Variants in ADARB2 observed in about 807,000 individuals in gnomAD.
The protein encoded by ADARB2 is adenosine deaminase RNA specific B2 (inactive), also known as inactive double-stranded RNA-specific editase B2.
A neutral mutation model predicts 62.2 loss-of-function variants in ADARB2; 25 were observed. That is an observed-to-expected ratio of 0.40 (90% CI 0.29 to 0.56). The LOEUF is 0.56. Ranked by LOEUF, ADARB2 falls within the 20% of genes least tolerant of loss-of-function variation. The probability of loss-of-function intolerance (pLI) is 0.43; values close to 1 mark genes in which losing one functional copy is unlikely to be tolerated. For synonymous variants in ADARB2, 572 were observed against 500.8 expected (o/e 1.14, Z -1.90); for missense variants, 1,071 against 1,077.4 (o/e 0.99, Z 0.08).
At chr10:1,261,962 A>G (rs1352256029) in intron 4 of ADARB2, among the ~76,000 whole-genome samples, 4 of 148,606 alleles carry the variant, frequency 2.7e-5, no homozygotes, top group Middle Eastern at 3.4e-3. Flanking sequence ...CTATGCAGCC[A>G]TAAAAAATGA....
At chr10:1,358,204 T>C (rs989903366) in intron 3 of ADARB2, among the ~76,000 whole-genome samples, 1 of 152,220 alleles carries the variant, frequency 6.6e-6, no homozygotes, top group Non-Finnish European at 1.5e-5. Flanking sequence ...AGGATTCAGC[T>C]GCGTATTTCT....
At chr10:1,405,923 G>T (rs913388589) in intron 1 of ADARB2, among the ~76,000 whole-genome samples, 2 of 150,998 alleles carry the variant, frequency 1.3e-5, no homozygotes, top group Non-Finnish European at 2.9e-5. Flanking sequence ...AGATACACCC[G>T]TTTATTAAAC....
At chr10:1,714,573 G>T (rs1834993085) in intron 1 of ADARB2, among the ~76,000 whole-genome samples, 1 of 152,128 alleles carries the variant, frequency 6.6e-6, no homozygotes. Context: ...GCTACGCCTG[G>T]GTCCTAACTC....
In ADARB2 at chr10:1,563,635, T is replaced by TA. The variant is rs201848108; in HGVS notation, c.100+173415_100+173416insT. ...AGGACATTTCATTTTACTTTTTTTT[T>TA]TATTATTATTATACTTTAAGTTTTA... On this transcript the variant is annotated intron_variant, in intron 1 of 9. Transcript: ENST00000381312. Among the ~76,000 whole-genome samples the TA allele has an allele frequency of 6.8e-3, 1,027 of 152,034 alleles. 8 individuals are homozygous for TA. The highest frequency in any genetic ancestry group is 0.024 in the African/African-American group (974 of 41,394).
chr10:1,439,137 C>T (rs1830870194), intron 1 of ADARB2, among the ~76,000 whole-genome samples: 1 of 144,364 alleles, frequency 6.9e-6, no homozygotes, highest in African/African-American at 2.6e-5. Flanking sequence ...GAGTCTCTCC[C>T]AGGATGGAGG....
At chr10:1,586,278 T>A (rs1328713650) in intron 1 of ADARB2, among the ~76,000 whole-genome samples, 5 of 152,184 alleles carry the variant, frequency 3.3e-5, no homozygotes, top group African/African-American at 1.2e-4. Context: ...CTGACCCCAG[T>A]CTTTGGCTTT....
At chr10:1,244,090 G>T (rs1421745436) in intron 4 of ADARB2, among the ~76,000 whole-genome samples, 3 of 152,218 alleles carry the variant, frequency 2.0e-5, no homozygotes, top group African/African-American at 7.2e-5. Flanking sequence ...CTGCCCCCTA[G>T]CGGGGGTCCC....
At chr10:1,589,459 T>TGGTTGGGGTGTCCAC (rs1833221823) in intron 1 of ADARB2, among the ~76,000 whole-genome samples, 1 of 151,682 alleles carries the variant, frequency 6.6e-6, no homozygotes, top group African/African-American at 2.4e-5. Context: ...GGGGTGTCCA[T>TGGTTGGGGTGTCCAC]GGTTGGGGTG....
intron 1 of ADARB2, among the ~76,000 whole-genome samples, chr10:1,437,877 T>G (rs1588257589): frequency 6.6e-6 from 1 of 152,196 alleles, no homozygotes; most frequent in East Asian, 1.9e-4. Context: ...AGGAGCAGAA[T>G]AACTCCAGTT....
chr10:1,197,262 GACA>G (rs1649703387), intron 8 of ADARB2, among the ~76,000 whole-genome samples: 1 of 152,122 alleles, frequency 6.6e-6, no homozygotes, highest in African/African-American at 2.4e-5. Context: ...AACTTAGTGT[GACA>G]ACATTTTGAA....
In ADARB2 at chr10:1,363,811, C is replaced by G; in HGVS notation, c.294G>C (p.Arg98Ser). 1 of 1,591,562 alleles carries G rather than the reference C, an allele frequency of 6.3e-7. No individual in the cohort carries two copies. The highest frequency in any genetic ancestry group is 1.1e-5 in the South Asian group (1 of 89,990). ...RARGGAPGAK[R>S]KRPLEEGNGG... is the part of the protein sequence containing the mutation. ...CATTCCCCTCCTCCAGCGGCCGCTT[C>G]CTCTTCGCGCCGGGCGCGCCGCCCC... Residue 98 changes from arginine (R) to serine (S), a missense_variant, in exon 3 of 10, where the codon AGG becomes AGC. Physicochemically the swap from Arg to Ser is moderately radical, Grantham distance 110. Transcript: ENST00000381312.
At chr10:1,313,688 C>T (rs759351690) in intron 3 of ADARB2, among the ~76,000 whole-genome samples, 11 of 152,144 alleles carry the variant, frequency 7.2e-5, no homozygotes, top group East Asian at 1.9e-4. Flanking sequence ...GGTGGGAGAA[C>T]GACAGTGGCC....
intron 3 of ADARB2, among the ~76,000 whole-genome samples, chr10:1,274,095 A>C (rs375463681): frequency 6.6e-6 from 1 of 152,230 alleles, no homozygotes; most frequent in Non-Finnish European, 1.5e-5. Context: ...TTGAAGGATG[A>C]GTAGGAGAGC....
chr10:1,403,110 A>T (rs570301488), intron 1 of ADARB2, among the ~76,000 whole-genome samples: 4 of 152,264 alleles, frequency 2.6e-5, no homozygotes, highest in African/African-American at 4.8e-5. Flanking sequence ...GGAGGTGGGG[A>T]TGGAGAAAGG....
At chr10:1,234,839 C>A (rs1830849205) in intron 5 of ADARB2, among the ~76,000 whole-genome samples, 1 of 141,292 alleles carries the variant, frequency 7.1e-6, no homozygotes, top group Non-Finnish European at 1.5e-5. Flanking sequence ...ACCTCTGCCT[C>A]CTGGGTTCAA....
chr10:1,386,427 C>T (rs2131863663), intron 1 of ADARB2, among the ~76,000 whole-genome samples: 1 of 151,964 alleles, frequency 6.6e-6, no homozygotes, highest in African/African-American at 2.4e-5. Flanking sequence ...CAAAAACTTA[C>T]TTCAAGTATA....
rs532573672 is a variant in ADARB2 at position 1,183,038 on chromosome 10, G to A, written c.*155C>T. The A allele has an allele frequency of 8.6e-5, 73 of 844,434 alleles. No individual in the cohort carries two copies. In the South Asian group the frequency reaches 1.2e-3, roughly 14 times the overall value. The allele number at this position is 844,434 out of a possible 1,614,324, so 52.3% of individuals were successfully genotyped here. A position where few individuals can be genotyped will look rare whatever the true frequency, so the allele number is the denominator to read the frequency against. ...CTGGAAAGAGGCACGTTCTGAATTT[G>A]TGTTGTTGCTCGTCCAAACATTGCA... On this transcript the variant is annotated 3_prime_UTR_variant, in exon 10 of 10. Coordinates refer to ENST00000381312, the MANE Select transcript of ADARB2 (RefSeq NM_018702.4).
intron 1 of ADARB2, among the ~76,000 whole-genome samples, chr10:1,626,241 C>T (rs1271412970): frequency 3.4e-5 from 5 of 145,190 alleles, no homozygotes; most frequent in Admixed American, 1.4e-4. Flanking sequence ...GGACCTCAGA[C>T]GCTAACCCCA....
intron 3 of ADARB2, chr10:1,292,893 G>C (rs1254165262): frequency 6.7e-6 from 1 of 149,306 alleles, no homozygotes; most frequent in Non-Finnish European, 1.5e-5. Context: ...TCAGTAACTG[G>C]AGGGGAAAAT....
Sources: gnomAD v4.1 joint callset for allele counts (sites outside exome capture counted in the v4.1 genomes callset) on GRCh38, gnomAD v4.1.1 for gene constraint, MANE v1.5 for transcripts, NCBI Gene and HGNC (gene_info 2026-07-23, HGNC 2026-07-21) for gene names.